LHFPL3: variants seen among roughly 807,000 people sequenced by gnomAD.
The protein encoded by LHFPL3 is LHFPL tetraspan subfamily member 3 protein.
LHFPL3 carries 5 observed loss-of-function variants against 19.3 expected under a neutral mutation model. The observed-to-expected ratio is 0.26, with a 90% CI of 0.14 to 0.54. The LOEUF is 0.54. Among genes scored for constraint, LHFPL3 ranks in the 20% least tolerant of loss-of-function variants. The pLI is 0.94. For synonymous variants in LHFPL3, 133 were observed against 126.2 expected (o/e 1.05, Z -0.36); for missense variants, 249 against 307.4 (o/e 0.81, Z 1.42).
rs1793832884 is a variant in LHFPL3, at chr7:104,736,829, C to T, written c.600C>T (p.Ala200=). 6.2e-7 allele frequency: 1 copy of T among 1,613,056 alleles called. No individual in the cohort carries two copies. The highest frequency in any genetic ancestry group is 8.5e-7 in the Non-Finnish European group (1 of 1,179,626). Residue 200 remains alanine (A), a synonymous_variant, in exon 2 of 3, where the codon GCC becomes GCT. Transcript: ENST00000424859. ...YILAIIGILD[A]LILSFLAFVL... ...TGGCTATTATTGGAATTTTGGATGCCCTGATCCTCTCATTTCTAGCATTTG... is the reference window on the plus strand; with the variant it reads ...TGGCTATTATTGGAATTTTGGATGCTCTGATCCTCTCATTTCTAGCATTTG...
chr7:104,361,947 A>G (rs142428703), intron 1 of LHFPL3, among the ~76,000 whole-genome samples: 123 of 152,308 alleles, frequency 8.1e-4, no homozygotes, highest in African/African-American at 2.9e-3. Context: ...TTTGGGATCC[A>G]CCTCTTTTAA....
At chr7:104,598,881 T>A (rs553689162) in intron 1 of LHFPL3, among the ~76,000 whole-genome samples, 113 of 152,352 alleles carry the variant, frequency 7.4e-4, no homozygotes, top group Non-Finnish European at 1.2e-3. Context: ...AGGGTTAAAT[T>A]CCCAGAATTC....
At chr7:104,695,785 T>G (rs1584484813) in intron 1 of LHFPL3, among the ~76,000 whole-genome samples, 1 of 152,130 alleles carries the variant, frequency 6.6e-6, no homozygotes, top group Non-Finnish European at 1.5e-5. Flanking sequence ...CAACCAACAA[T>G]AAGCAGAAGG....
intron 1 of LHFPL3, among the ~76,000 whole-genome samples, chr7:104,658,089 A>C (rs1463271851): frequency 4.6e-5 from 7 of 152,394 alleles, no homozygotes; most frequent in African/African-American, 1.7e-4. Context: ...AAGTAAAATT[A>C]TGGAGAGCTT....
chr7:104,647,265 G>A (rs777389155), intron 1 of LHFPL3, among the ~76,000 whole-genome samples: 2 of 152,136 alleles, frequency 1.3e-5, no homozygotes, highest in Non-Finnish European at 2.9e-5. Flanking sequence ...ACAGGCTCAT[G>A]GCATGCACCA....
intron 1 of LHFPL3, among the ~76,000 whole-genome samples, chr7:104,633,965 T>C (rs1791689532): frequency 6.6e-6 from 1 of 152,258 alleles, no homozygotes; most frequent in African/African-American, 2.4e-5. Flanking sequence ...AAGACTTCTT[T>C]GGTAGCGTCA....
At chr7:104,434,380 A>G (rs980642014) in intron 1 of LHFPL3, among the ~76,000 whole-genome samples, 40 of 152,258 alleles carry the variant, frequency 2.6e-4, no homozygotes, top group Admixed American at 4.6e-4. Context: ...CTGTATGGAA[A>G]TTGTATGCAA....
intron 1 of LHFPL3, among the ~76,000 whole-genome samples, chr7:104,405,675 A>G (rs1438077860): frequency 6.6e-6 from 1 of 152,216 alleles, no homozygotes; most frequent in African/African-American, 2.4e-5. Context: ...AAAGTCTATG[A>G]TTTTAACCAC....
At chr7:104,867,108 C>T (rs1173950106) in intron 2 of LHFPL3, among the ~76,000 whole-genome samples, 3 of 152,124 alleles carry the variant, frequency 2.0e-5, no homozygotes, top group African/African-American at 7.2e-5. Context: ...GCACGAAATG[C>T]CCACAAGAGA....
rs1332081069 is a variant in LHFPL3 at position 104,559,887 on chromosome 7, T to C, written c.446-176788T>C. 5.6e-5 allele frequency among the ~76,000 whole-genome samples: 8 copies of C among 142,568 alleles called. No individual in the cohort carries two copies. The East Asian group carries it at 1.6e-3, about 28-fold the overall frequency. The allele number at this position is 142,568 out of a possible 152,430, so 93.5% of individuals were successfully genotyped here. A position where few individuals can be genotyped will look rare whatever the true frequency, so the allele number is the denominator to read the frequency against. The stretch of plus-strand genomic sequence containing the variant: ...CCTAATTTATTGAGAGTTTTTAGCA[T>C]GAAGGTTGTTGAATTTTGTCAAAGG... On this transcript the variant is annotated intron_variant, in intron 1 of 2. Coordinates refer to ENST00000424859, the MANE Select transcript of LHFPL3 (RefSeq NM_199000.3).
At chr7:104,554,036 T>C (rs1384472917) in intron 1 of LHFPL3, among the ~76,000 whole-genome samples, 2 of 152,222 alleles carry the variant, frequency 1.3e-5, no homozygotes, top group Non-Finnish European at 2.9e-5. Context: ...GACTTTTTCC[T>C]GGCTGATGAC....
chr7:104,410,412 C>T (rs901429801), intron 1 of LHFPL3, among the ~76,000 whole-genome samples: 1 of 152,204 alleles, frequency 6.6e-6, no homozygotes, highest in Non-Finnish European at 1.5e-5. Context: ...GGATTACAGG[C>T]ATGAGCCGCT....
chr7:104,351,544 G>A (rs926497639), intron 1 of LHFPL3, among the ~76,000 whole-genome samples: 3 of 152,136 alleles, frequency 2.0e-5, no homozygotes, highest in Non-Finnish European at 2.9e-5. Flanking sequence ...TATGTAAAAC[G>A]AGGCTGATAA....
chr7:104,346,336 G>GTTT lies in LHFPL3; in HGVS notation c.445+17127_445+17129dup, dbSNP rs766835972. Among the ~76,000 whole-genome samples, 253 of 140,320 alleles carry GTTT rather than the reference G, an allele frequency of 1.8e-3. 3 individuals carry two copies. The highest frequency in any genetic ancestry group is 5.1e-3 in the African/African-American group (192 of 37,590). 92.1% of individuals were successfully genotyped at this position (140,320 alleles called of 152,430 possible). Reference sequence around the variant, plus strand: ...ATTTTTAAGTGTTCTAGTTATCAGGGTTTTTTTTTTTTTTTTTGGTCATCT... The same window carrying GTTT: ...ATTTTTAAGTGTTCTAGTTATCAGGGTTTTTTTTTTTTTTTTTTTTGGTCATCT... On this transcript the variant is annotated intron_variant, in intron 1 of 2. Coordinates refer to ENST00000424859, the MANE Select transcript of LHFPL3 (RefSeq NM_199000.3).
chr7:104,373,441 A>G (rs1306568135), intron 1 of LHFPL3, among the ~76,000 whole-genome samples: 1 of 152,152 alleles, frequency 6.6e-6, no homozygotes, highest in Non-Finnish European at 1.5e-5. Context: ...CTACTTATTG[A>G]TGGTCACTGT....
intron 1 of LHFPL3, among the ~76,000 whole-genome samples, chr7:104,565,710 CCTGT>C (rs1034742044): frequency 3.7e-5 from 5 of 135,732 alleles, no homozygotes; most frequent in East Asian, 2.2e-4. Context: ...CCTGCACCTT[CCTGT>C]CTGTCTGTCT....
At chr7:104,518,862 T>A (rs1234657409) in intron 1 of LHFPL3, among the ~76,000 whole-genome samples, 1 of 145,304 alleles carries the variant, frequency 6.9e-6, no homozygotes, top group Non-Finnish European at 1.5e-5. Context: ...ATAAAAAAAC[T>A]GTGATGCAAG....
chr7:104,489,787 T>C (rs772913735), intron 1 of LHFPL3, among the ~76,000 whole-genome samples: 1 of 152,078 alleles, frequency 6.6e-6, no homozygotes, highest in Non-Finnish European at 1.5e-5. Flanking sequence ...TTTAGGAAGA[T>C]TTGGCTTTCT....
chr7:104,852,237 C>G (rs1383326949), intron 2 of LHFPL3, among the ~76,000 whole-genome samples: 1 of 152,166 alleles, frequency 6.6e-6, no homozygotes, highest in African/African-American at 2.4e-5. Context: ...CTCTCTCAGA[C>G]ACAGAGAGAG....
Sources: allele counts gnomAD v4.1 joint callset (sites outside exome capture counted in the v4.1 genomes callset), GRCh38; gene constraint gnomAD v4.1.1; transcripts MANE v1.5; gene names NCBI Gene and HGNC (gene_info 2026-07-23, HGNC 2026-07-21).